The following NLGN1 variants were observed in gnomAD, a reference collection of about 807,000 sequenced individuals.
NLGN1 encodes neuroligin 1, also known as neuroligin-1.
In NLGN1, 12 loss-of-function variants were observed where a neutral mutation model predicts 65.5. The observed-to-expected ratio is 0.18, with a 90% CI of 0.12 to 0.30. The LOEUF (loss-of-function observed/expected upper bound fraction) is 0.30. Among genes scored for constraint, NLGN1 ranks in the 10% least tolerant of loss-of-function variants. The pLI, the probability that NLGN1 is intolerant of heterozygous loss-of-function variation, is 1.00. For synonymous variants in NLGN1, 350 were observed against 359.5 expected, an observed-to-expected ratio of 0.97 and a Z score of 0.30; for missense variants, 750 against 1,007.1, an observed-to-expected ratio of 0.74 and a Z score of 3.46.
chr3:174,287,901 G>T (rs1406066306), downstream of NLGN1, among the ~76,000 whole-genome samples: 6 of 151,662 alleles, frequency 4.0e-5, no homozygotes, highest in African/African-American at 1.4e-4. Context: ...CCTCAGGCAG[G>T]TTAGAAGCTA....
At chr3:174,113,951 T>C (rs2152625310) in intron 4 of NLGN1, among the ~76,000 whole-genome samples, 1 of 152,262 alleles carries the variant, frequency 6.6e-6, no homozygotes, top group African/African-American at 2.4e-5. Flanking sequence ...GTAGAACTGA[T>C]AGAACTTAAC....
At chr3:174,021,759 G>A (rs1727789991) in intron 4 of NLGN1, among the ~76,000 whole-genome samples, 1 of 152,040 alleles carries the variant, frequency 6.6e-6, no homozygotes, top group Admixed American at 6.6e-5. Context: ...TTCCATTTTT[G>A]TTATCCTCTC....
At chr3:173,623,516 A>G (rs986723232) in intron 3 of NLGN1, among the ~76,000 whole-genome samples, 5 of 152,116 alleles carry the variant, frequency 3.3e-5, no homozygotes, top group African/African-American at 1.2e-4. Context: ...GAAGGAGAGA[A>G]TGTGTACCAA....
chr3:173,934,298 CTAA>C (rs1450058357), intron 4 of NLGN1, among the ~76,000 whole-genome samples: 9 of 147,922 alleles, frequency 6.1e-5, no homozygotes, highest in Non-Finnish European at 4.5e-5. Context: ...TAATATTATA[CTAA>C]TATTATTTAA....
intron 3 of NLGN1, among the ~76,000 whole-genome samples, chr3:173,632,189 A>G (rs1179426392): frequency 6.6e-6 from 1 of 152,160 alleles, no homozygotes; most frequent in Admixed American, 6.6e-5. Flanking sequence ...AAAGGAACAT[A>G]TTCATTTTGC....
At chr3:173,569,475 G>A (rs1206748088) in intron 2 of NLGN1, among the ~76,000 whole-genome samples, 1 of 151,530 alleles carries the variant, frequency 6.6e-6, no homozygotes, top group African/African-American at 2.4e-5. Flanking sequence ...TTCGGAGAAG[G>A]CTATTTTTAT....
chr3:173,554,936 G>A (rs1741469301), intron 2 of NLGN1, among the ~76,000 whole-genome samples: 1 of 152,028 alleles, frequency 6.6e-6, no homozygotes, highest in African/African-American at 2.4e-5. Context: ...TGGCTTTTTT[G>A]TTTTAGCCCT....
At chr3:174,192,550 T>A (rs1577294370) in intron 4 of NLGN1, among the ~76,000 whole-genome samples, 1 of 152,286 alleles carries the variant, frequency 6.6e-6, no homozygotes, top group African/African-American at 2.4e-5. Flanking sequence ...AGTTTCCACT[T>A]TGTGCTTAGC....
chr3:173,538,216 G>T (rs1236885320), intron 2 of NLGN1, among the ~76,000 whole-genome samples: 1 of 152,164 alleles, frequency 6.6e-6, no homozygotes, highest in Non-Finnish European at 1.5e-5. Flanking sequence ...ACAGCCTTCT[G>T]GAGAACCTTG....
At chr3:173,820,179 G>GAAA (rs63081662) in intron 4 of NLGN1, among the ~76,000 whole-genome samples, 4 of 136,662 alleles carry the variant, frequency 2.9e-5, no homozygotes, top group African/African-American at 7.9e-5. Context: ...ATTCAGTCTC[G>GAAA]AAAAAAAAAA....
chr3:174,044,353 T>C (rs748974836), intron 4 of NLGN1, among the ~76,000 whole-genome samples: 17 of 152,184 alleles, frequency 1.1e-4, no homozygotes, highest in Non-Finnish European at 1.9e-4. Context: ...TTGGTTTTTC[T>C]TTTCTATCAC....
At chr3:173,594,756 A>G (rs1749161803) in intron 2 of NLGN1, among the ~76,000 whole-genome samples, 3 of 152,146 alleles carry the variant, frequency 2.0e-5, no homozygotes, top group Non-Finnish European at 2.9e-5. Flanking sequence ...AGGCATATCC[A>G]TACATCTTCT....
At chr3:174,269,396 C>CTACTT (rs957804164) in intron 4 of NLGN1, among the ~76,000 whole-genome samples, 1 of 151,840 alleles carries the variant, frequency 6.6e-6, no homozygotes, top group Non-Finnish European at 1.5e-5. Flanking sequence ...ATGATTGTGA[C>CTACTT]TACTTTAGAT....
At chr3:173,647,031 A>T (rs943150392) in intron 3 of NLGN1, among the ~76,000 whole-genome samples, 1 of 152,186 alleles carries the variant, frequency 6.6e-6, no homozygotes, top group African/African-American at 2.4e-5. Context: ...AGAAAGCCAG[A>T]ATGGCTATGT....
intron 4 of NLGN1, among the ~76,000 whole-genome samples, chr3:174,122,675 C>G (rs1045376532): frequency 1.3e-5 from 2 of 152,056 alleles, no homozygotes; most frequent in African/African-American, 4.8e-5. Context: ...GTTTTTAAGC[C>G]AAAGCCCAGA....
chr3:174,258,698 G>A (rs553160086), intron 4 of NLGN1, among the ~76,000 whole-genome samples: 3 of 152,088 alleles, frequency 2.0e-5, no homozygotes, highest in Non-Finnish European at 4.4e-5. Flanking sequence ...CCCTAATTGA[G>A]AGACATTATA....
chr3:173,667,967 T>C (rs1178964578), intron 3 of NLGN1, among the ~76,000 whole-genome samples: 3 of 152,188 alleles, frequency 2.0e-5, no homozygotes, highest in Non-Finnish European at 4.4e-5. Context: ...GAAACATATA[T>C]AACTTCTTAA....
Position 174,278,913 on chromosome 3 carries a change from TGTTA to T in NLGN1, c.916_919del (p.Ser306PhefsTer22), listed in dbSNP as rs751362674. ...GTGGAACAGCCCTTTCCAGCTGGGC[TGTTA>T]GTTTTCAACCTGCAAAATATGCTAG... On this transcript the variant is annotated frameshift_variant, in exon 6 of 7. Transcript: ENST00000457714. LOFTEE classifies it high-confidence loss of function. The T allele has an allele frequency of 1.3e-6, 2 of 1,514,604 alleles. No individual in the cohort carries two copies. The highest frequency in any genetic ancestry group is 1.4e-5 in the South Asian group (1 of 73,614). 93.8% of individuals were successfully genotyped at this position (1,514,604 alleles called of 1,614,324 possible).
chr3:174,002,749 G>A (rs1723555863), intron 4 of NLGN1, among the ~76,000 whole-genome samples: 1 of 151,028 alleles, frequency 6.6e-6, no homozygotes. Context: ...CCCCCTGGGG[G>A]AAAAAAAAAT....
Sources: gnomAD v4.1 joint callset for allele counts (sites outside exome capture counted in the v4.1 genomes callset) on GRCh38, gnomAD v4.1.1 for gene constraint, MANE v1.5 for transcripts, NCBI Gene and HGNC (gene_info 2026-07-23, HGNC 2026-07-21) for gene names.